Variants in MACROD2 observed in about 807,000 individuals in gnomAD.
MACROD2 encodes ADP-ribose glycohydrolase MACROD2.
A neutral mutation model predicts 70.4 loss-of-function variants in MACROD2; 36 were observed. The observed-to-expected ratio is 0.51, with a 90% CI of 0.39 to 0.68. The LOEUF (loss-of-function observed/expected upper bound fraction) is 0.68, where lower values mean the gene tolerates loss of function less well. MACROD2 is among the 30% of genes least tolerant of loss of function. The probability of loss-of-function intolerance (pLI) is 0.00; values close to 1 mark genes in which losing one functional copy is unlikely to be tolerated. For missense variants in MACROD2, 496 were observed against 538.4 expected (o/e 0.92, Z 0.78); for synonymous variants, 172 against 178.8 (o/e 0.96, Z 0.30).
At chr20:15,835,447 T>A (rs1386722375) in intron 8 of MACROD2, among the ~76,000 whole-genome samples, 1 of 152,126 alleles carries the variant, frequency 6.6e-6, no homozygotes, top group Non-Finnish European at 1.5e-5. Flanking sequence ...GCTATTGGCA[T>A]TATTATTAAT....
chr20:15,890,588 G>C (rs1463706053), intron 10 of MACROD2, among the ~76,000 whole-genome samples: 1 of 152,122 alleles, frequency 6.6e-6, no homozygotes, highest in East Asian at 1.9e-4. Flanking sequence ...TGGGGGAGTT[G>C]CTAATGTAGT....
intron 4 of MACROD2, among the ~76,000 whole-genome samples, chr20:14,589,040 T>C (rs1022363223): frequency 4.6e-5 from 7 of 152,186 alleles, no homozygotes; most frequent in African/African-American, 1.7e-4. Context: ...AAAAGTGTCC[T>C]GTATGACTTT....
chr20:15,417,031 C>T (rs6135407), intron 6 of MACROD2, among the ~76,000 whole-genome samples: 21,269 of 152,108 alleles, frequency 0.14, 1,953 homozygotes, highest in Admixed American at 0.23. Flanking sequence ...GAGAACATGC[C>T]GACACTTCAA....
chr20:14,970,674 TCTCA>T (rs58486157), intron 5 of MACROD2, among the ~76,000 whole-genome samples: 3,346 of 152,266 alleles, frequency 0.022, 136 homozygotes, highest in African/African-American at 0.075. Flanking sequence ...TAAGAGAGTA[TCTCA>T]CTCACTCTGT....
chr20:15,066,528 A>G (rs2075576766), intron 5 of MACROD2, among the ~76,000 whole-genome samples: 1 of 152,152 alleles, frequency 6.6e-6, no homozygotes, highest in South Asian at 2.1e-4. Context: ...GACAAAAACC[A>G]ACATCAATGA....
chr20:14,172,858 G>A (rs541706582), intron 3 of MACROD2, among the ~76,000 whole-genome samples: 15 of 152,212 alleles, frequency 9.9e-5, no homozygotes, highest in African/African-American at 3.6e-4. Context: ...AATTCTTTCA[G>A]CATTTGTTTG....
chr20:14,264,761 G>A (rs1323965468), intron 3 of MACROD2, among the ~76,000 whole-genome samples: 1 of 152,208 alleles, frequency 6.6e-6, no homozygotes, highest in Non-Finnish European at 1.5e-5. Context: ...AGGCTTAGAA[G>A]TGTTCTGGAA....
At chr20:14,219,124 A>G (rs558232888) in intron 3 of MACROD2, among the ~76,000 whole-genome samples, 4 of 152,164 alleles carry the variant, frequency 2.6e-5, no homozygotes, top group Non-Finnish European at 4.4e-5. Context: ...TCCCCCAAAT[A>G]TGTTTTCCGA....
intron 15 of MACROD2, among the ~76,000 whole-genome samples, chr20:15,999,994 G>A (rs1048628069): frequency 5.9e-5 from 9 of 152,130 alleles, no homozygotes; most frequent in Non-Finnish European, 1.0e-4. Flanking sequence ...TGTTTTCCAC[G>A]TCATTTTACA....
chr20:15,135,914 A>C (rs1405947810), intron 5 of MACROD2, among the ~76,000 whole-genome samples: 4 of 152,052 alleles, frequency 2.6e-5, no homozygotes, highest in Non-Finnish European at 5.9e-5. Flanking sequence ...ATTCTTATAC[A>C]CCAAAAACAG....
chr20:15,509,596 C>G (rs2047472854), intron 8 of MACROD2, among the ~76,000 whole-genome samples: 1 of 152,194 alleles, frequency 6.6e-6, no homozygotes, highest in Non-Finnish European at 1.5e-5. Context: ...CTCAGCTCCT[C>G]TTCCGTGCAG....
intron 5 of MACROD2, among the ~76,000 whole-genome samples, chr20:15,107,779 G>C (rs2075922494): frequency 6.6e-6 from 1 of 151,830 alleles, no homozygotes; most frequent in Non-Finnish European, 1.5e-5. Context: ...ACCTGTGTTT[G>C]TTGTTGTTGT....
chr20:16,013,892 G>A lies in MACROD2; in HGVS notation c.1153+26734G>A, dbSNP rs774527688. ...GCCTTTAGGTGTTCTGAGAATATCT[G>A]TTGAGATAGGCCCTGTGTAAATGGA... On this transcript the variant is annotated intron_variant, in intron 15 of 17. Coordinates refer to ENST00000684519, the MANE Select transcript of MACROD2 (RefSeq NM_001351661.2). Among the ~76,000 whole-genome samples, 3 of 152,220 alleles carry A rather than the reference G, an allele frequency of 2.0e-5. No individual in the cohort carries two copies. In the East Asian group the frequency reaches 5.8e-4, roughly 29 times the overall value.
intron 8 of MACROD2, among the ~76,000 whole-genome samples, chr20:15,786,951 AT>A (rs1039681407): frequency 6.6e-6 from 1 of 151,428 alleles, no homozygotes; most frequent in Non-Finnish European, 1.5e-5. Context: ...AATAAAGAAA[AT>A]TTTTGTTTTG....
At chr20:14,920,214 C>T (rs902852671) in intron 5 of MACROD2, among the ~76,000 whole-genome samples, 3 of 152,250 alleles carry the variant, frequency 2.0e-5, no homozygotes, top group Middle Eastern at 3.4e-3. Flanking sequence ...GATAGTTTTC[C>T]TTCTTTGTGA....
chr20:15,276,788 G>A (rs1038512389), intron 6 of MACROD2, among the ~76,000 whole-genome samples: 2 of 152,216 alleles, frequency 1.3e-5, no homozygotes, highest in Non-Finnish European at 2.9e-5. Context: ...GAGAAGAGGT[G>A]ATGGAAGACA....
intron 3 of MACROD2, among the ~76,000 whole-genome samples, chr20:14,218,459 A>G (rs1385177097): frequency 6.6e-6 from 1 of 152,198 alleles, no homozygotes; most frequent in African/African-American, 2.4e-5. Flanking sequence ...GTTCTTATCC[A>G]TTCTGCAGTT....
chr20:15,172,045 C>A (rs1054595081), intron 5 of MACROD2, among the ~76,000 whole-genome samples: 1 of 152,166 alleles, frequency 6.6e-6, no homozygotes, highest in Non-Finnish European at 1.5e-5. Context: ...TAAGCATATT[C>A]TAATTAATTT....
intron 6 of MACROD2, among the ~76,000 whole-genome samples, chr20:15,292,808 T>C (rs1352825911): frequency 6.6e-6 from 1 of 152,238 alleles, no homozygotes; most frequent in Non-Finnish European, 1.5e-5. Flanking sequence ...TTTTTCTTGG[T>C]TTAATGCTTC....
Sources: gnomAD v4.1 joint callset for allele counts (sites outside exome capture counted in the v4.1 genomes callset) on GRCh38, gnomAD v4.1.1 for gene constraint, MANE v1.5 for transcripts, NCBI Gene and HGNC (gene_info 2026-07-23, HGNC 2026-07-21) for gene names.